CD86: variants seen among roughly 807,000 people sequenced by gnomAD.
CD86 encodes T-lymphocyte activation antigen CD86.
Under a neutral mutation model 32.1 loss-of-function variants are expected in CD86, and 11 were observed. The observed-to-expected ratio is 0.34, with a 90% confidence interval of 0.22 to 0.57. The LOEUF (loss-of-function observed/expected upper bound fraction) is 0.57, where lower values mean the gene tolerates loss of function less well. CD86 is among the 20% of genes least tolerant of loss of function. The pLI is 0.86. For missense variants in CD86, 359 were observed against 398.4 expected, an observed-to-expected ratio of 0.90 and a Z score of 0.84; for synonymous variants, 137 against 135.3, an observed-to-expected ratio of 1.01 and a Z score of -0.09.
intron 2 of CD86, among the ~76,000 whole-genome samples, chr3:122,097,534 A>C (rs2072926359): frequency 6.6e-6 from 1 of 152,238 alleles, no homozygotes. Flanking sequence ...TGAGTATACC[A>C]GTCGAGGGTC....
chr3:122,119,700 C>G lies in CD86; in HGVS notation c.*166C>G. On this transcript the variant is annotated 3_prime_UTR_variant, in exon 7 of 7. Coordinates refer to ENST00000330540, the MANE Select transcript of CD86 (RefSeq NM_175862.5). ...GAATAGCCTCCCTGTAACTCCAGCTCTGCTCCGTATGCCAAGAGGAGACTT... is the reference window on the plus strand; with the variant it reads ...GAATAGCCTCCCTGTAACTCCAGCTGTGCTCCGTATGCCAAGAGGAGACTT... 1 of 592,822 alleles carries G rather than the reference C, an allele frequency of 1.7e-6. No individual in the cohort carries two copies. Among genetic ancestry groups the G allele is most frequent in the South Asian group, 2.1e-5 (1 of 47,108 alleles). 36.7% of individuals were successfully genotyped at this position (592,822 alleles called of 1,614,324 possible). A position where few individuals can be genotyped will look rare whatever the true frequency, so the allele number is the denominator to read the frequency against.
chr3:122,081,569 C>T (rs1445468124), intron 1 of CD86, among the ~76,000 whole-genome samples: 1 of 152,192 alleles, frequency 6.6e-6, no homozygotes, highest in Non-Finnish European at 1.5e-5. Flanking sequence ...ATAGCTACCA[C>T]GTTGAGTTCT....
At chr3:122,079,112 G>A (rs970729277) in intron 1 of CD86, among the ~76,000 whole-genome samples, 1 of 152,172 alleles carries the variant, frequency 6.6e-6, no homozygotes, top group Non-Finnish European at 1.5e-5. Context: ...TTCTAGCCTA[G>A]TGGGGAAATC....
At chr3:122,114,598 C>T (rs541343227) in intron 5 of CD86, among the ~76,000 whole-genome samples, 1 of 152,196 alleles carries the variant, frequency 6.6e-6, no homozygotes, top group Admixed American at 6.5e-5. Flanking sequence ...AAACATCTCT[C>T]GTGAAATGCT....
chr3:122,056,150 G>T (rs1272911545), intron 1 of CD86, among the ~76,000 whole-genome samples: 3 of 151,916 alleles, frequency 2.0e-5, no homozygotes, highest in Admixed American at 1.3e-4. Flanking sequence ...GACAGATGGG[G>T]TAACTGTGGC....
chr3:122,113,175 C>T (rs2073200940), intron 5 of CD86, among the ~76,000 whole-genome samples: 1 of 152,154 alleles, frequency 6.6e-6, no homozygotes, highest in Non-Finnish European at 1.5e-5. Flanking sequence ...CTGCAAATGC[C>T]ATTATTTTGT....
At chr3:122,072,064 A>C (rs566098644) in intron 1 of CD86, among the ~76,000 whole-genome samples, 6 of 150,280 alleles carry the variant, frequency 4.0e-5, no homozygotes, top group African/African-American at 1.2e-4. Context: ...TGAACTCATC[A>C]TTTTTTATGG....
At chr3:122,084,951 T>A (rs1238014874) in intron 1 of CD86, among the ~76,000 whole-genome samples, 1 of 152,218 alleles carries the variant, frequency 6.6e-6, no homozygotes, top group East Asian at 1.9e-4. Flanking sequence ...GCTCTCAAAG[T>A]ACCATGAACC....
At position 122,061,378 on chromosome 3, in the gene CD86, A is replaced by G. The variant is rs972621685; in HGVS notation, c.14+5875A>G. On this transcript the variant is annotated intron_variant, in intron 1 of 6. Coordinates refer to ENST00000330540, the MANE Select transcript of CD86 (RefSeq NM_175862.5). Reference sequence around the variant, plus strand: ...TAGAAACCCACAATTATGAAATGACAAAAACAATTAATGCAGTTAATAATT... The same window carrying G: ...TAGAAACCCACAATTATGAAATGACGAAAACAATTAATGCAGTTAATAATT... Among the ~76,000 whole-genome samples, 4 of 152,362 alleles carry G rather than the reference A, an allele frequency of 2.6e-5. No individual in the cohort carries two copies. The South Asian group carries it at 8.3e-4, about 32-fold the overall frequency.
intron 1 of CD86, among the ~76,000 whole-genome samples, chr3:122,065,985 G>T (rs930560034): frequency 2.6e-5 from 4 of 152,156 alleles, no homozygotes; most frequent in African/African-American, 9.7e-5. Context: ...TCTGTTTCCA[G>T]AAGACCTCTC....
chr3:122,058,410 A>G (rs1357304250), intron 1 of CD86, among the ~76,000 whole-genome samples: 2 of 152,198 alleles, frequency 1.3e-5, no homozygotes, highest in African/African-American at 4.8e-5. Flanking sequence ...CTGAGAGTCA[A>G]CTTAGGAGCA....
chr3:122,115,740 CAAAAAAAAAAAAAAAAA>C (rs769868417), intron 5 of CD86, among the ~76,000 whole-genome samples: 2 of 27,538 alleles, frequency 7.3e-5, no homozygotes, highest in Non-Finnish European at 1.4e-4. Flanking sequence ...AACTCCCTCT[CAAAAAAAAAAAAAAAAA>C]AAAAAAAAAA....
chr3:122,067,733 G>T (rs2072434572), intron 1 of CD86, among the ~76,000 whole-genome samples: 1 of 152,144 alleles, frequency 6.6e-6, no homozygotes, highest in African/African-American at 2.4e-5. Flanking sequence ...AATAAGATTT[G>T]AGTAAAGCTG....
chr3:122,062,014 A>G (rs559228243), intron 1 of CD86, among the ~76,000 whole-genome samples: 1 of 152,288 alleles, frequency 6.6e-6, no homozygotes, highest in African/African-American at 2.4e-5. Flanking sequence ...GGGTGAAGGT[A>G]CACAGGACTT....
At chr3:122,092,015 C>A in intron 2 of CD86, 1 of 179,286 alleles carries the variant, frequency 5.6e-6, no homozygotes, top group Non-Finnish European at 1.2e-5. Flanking sequence ...CTCTTCTGGT[C>A]TTCTCTGACC....
At chr3:122,089,339 C>T (rs1428318282) in intron 1 of CD86, among the ~76,000 whole-genome samples, 2 of 152,186 alleles carry the variant, frequency 1.3e-5, no homozygotes, top group Non-Finnish European at 2.9e-5. Flanking sequence ...TATGCCACAA[C>T]TAATAAAGAT....
intron 1 of CD86, among the ~76,000 whole-genome samples, chr3:122,076,711 A>C (rs906260888): frequency 9.2e-5 from 14 of 152,254 alleles, no homozygotes; most frequent in African/African-American, 3.4e-4. Context: ...GAATTGGGAA[A>C]GTCTGAAAAG....
intron 1 of CD86, among the ~76,000 whole-genome samples, 167 bp downstream of exon 1, chr3:122,055,670 C>T (rs574858206): frequency 3.9e-5 from 6 of 152,286 alleles, no homozygotes; most frequent in Admixed American, 3.3e-4. Context: ...GAATTATTTG[C>T]AATGCCCAAA....
At chr3:122,065,366 G>A (rs1237124238) in intron 1 of CD86, among the ~76,000 whole-genome samples, 1 of 152,176 alleles carries the variant, frequency 6.6e-6, no homozygotes, top group East Asian at 1.9e-4. Flanking sequence ...GACTAAAAAT[G>A]GTCCATAGAC....
Sources: gnomAD v4.1 joint callset for allele counts (sites outside exome capture counted in the v4.1 genomes callset) on GRCh38, gnomAD v4.1.1 for gene constraint, MANE v1.5 for transcripts, NCBI Gene and HGNC (gene_info 2026-07-23, HGNC 2026-07-21) for gene names.